Variants in ANKDD1A observed in about 807,000 individuals in gnomAD.
The protein encoded by ANKDD1A is ankyrin repeat and death domain containing 1A.
ANKDD1A carries 59 observed loss-of-function variants against 63.5 expected under a neutral mutation model. That is an observed-to-expected ratio of 0.93 (90% CI 0.75 to 1.15). ANKDD1A has a LOEUF of 1.15. ANKDD1A is among the 50% of genes most tolerant of loss of function. ANKDD1A has a pLI of 0.00. For synonymous variants in ANKDD1A, 266 were observed against 263.9 expected (o/e 1.01, Z -0.08); for missense variants, 632 against 656.4 (o/e 0.96, Z 0.41).
chr15:64,953,107 T>G (rs2085330950), intron 14 of ANKDD1A, among the ~76,000 whole-genome samples: 1 of 149,552 alleles, frequency 6.7e-6, no homozygotes, highest in African/African-American at 2.5e-5. Context: ...TTTCTTTTCT[T>G]TCTTCCGCTT....
chr15:64,952,831 TTCC>T (rs1159186782), intron 14 of ANKDD1A, among the ~76,000 whole-genome samples: 2 of 136,032 alleles, frequency 1.5e-5, no homozygotes, highest in Admixed American at 7.7e-5. Flanking sequence ...CTCCTCCTTC[TTCC>T]TTTCTTCTCC....
intron 8 of ANKDD1A, 105 bp from the exon 9 acceptor site, chr15:64,934,031 C>A: frequency 2.3e-6 from 2 of 876,284 alleles, no homozygotes; most frequent in Non-Finnish European, 3.6e-6. Flanking sequence ...ATAATACTCC[C>A]AGGGGTGTTG....
At chr15:64,937,276 T>C (rs1430392042) in intron 9 of ANKDD1A, among the ~76,000 whole-genome samples, 2 of 152,244 alleles carry the variant, frequency 1.3e-5, no homozygotes, top group African/African-American at 2.4e-5. Context: ...AGGAATTTAT[T>C]TGACAGATAT....
intron 14 of ANKDD1A, among the ~76,000 whole-genome samples, chr15:64,952,087 T>C (rs2085297137): frequency 9.4e-6 from 1 of 105,966 alleles, no homozygotes; most frequent in Non-Finnish European, 1.9e-5. Flanking sequence ...TTCCTTCTTT[T>C]CTTCCTCTTC....
chr15:64,955,881 T>C (rs954693449), intron 14 of ANKDD1A, among the ~76,000 whole-genome samples: 7 of 152,220 alleles, frequency 4.6e-5, no homozygotes, highest in Admixed American at 3.9e-4. Flanking sequence ...TCTAGGAATT[T>C]TTCCTACATA....
chr15:64,924,574 G>A (rs1025633199), intron 4 of ANKDD1A, among the ~76,000 whole-genome samples: 11 of 152,188 alleles, frequency 7.2e-5, no homozygotes, highest in African/African-American at 2.4e-4. Context: ...TTCTCCTTTC[G>A]CTGCTGTTTA....
chr15:64,912,661 C>T (rs972783836), intron 1 of ANKDD1A, among the ~76,000 whole-genome samples: 3 of 152,206 alleles, frequency 2.0e-5, no homozygotes, highest in Non-Finnish European at 4.4e-5. Flanking sequence ...AAGATTGTGT[C>T]GGTGTCTGCA....
intron 14 of ANKDD1A, among the ~76,000 whole-genome samples, chr15:64,952,528 G>A (rs796263879): frequency 1.7e-3 from 41 of 23,534 alleles, no homozygotes; most frequent in Admixed American, 3.8e-3. Flanking sequence ...TTCTTCCTTC[G>A]TCTTCTTCTC....
intron 14 of ANKDD1A, among the ~76,000 whole-genome samples, chr15:64,952,648 T>TCTCCTC (rs782289883): frequency 9.2e-5 from 13 of 141,884 alleles, no homozygotes; most frequent in Middle Eastern, 4.3e-3. Context: ...TTCTTCTCCT[T>TCTCCTC]CTCCTTCTTC....
chr15:64,951,808 CTT>C, intron 14 of ANKDD1A, among the ~76,000 whole-genome samples: 2 of 126,888 alleles, frequency 1.6e-5, no homozygotes, highest in African/African-American at 6.0e-5. Flanking sequence ...TTCCTCTTTT[CTT>C]CTTTCTTCCT....
chr15:64,939,610 G>A (rs2085164210), intron 9 of ANKDD1A, among the ~76,000 whole-genome samples: 1 of 152,036 alleles, frequency 6.6e-6, no homozygotes. Flanking sequence ...CAAGACCTTG[G>A]CTCTAAAAAA....
chr15:64,938,944 CAA>C lies in ANKDD1A; in HGVS notation c.868-3510_868-3509del, dbSNP rs34151661. Among the ~76,000 whole-genome samples the C allele has an allele frequency of 2.9e-3, 385 of 132,716 alleles. 5 individuals carry two copies. Among genetic ancestry groups the C allele is most frequent in the East Asian group, 6.2e-3 (28 of 4,542 alleles). The allele number at this position is 132,716 out of a possible 152,430, so 87.1% of individuals were successfully genotyped here. ...TGGGCAACAGAGAGAGACTCCATCT[CAA>C]AAAAAAAAAAAAGAAACTGAAGACT... is the stretch of plus-strand genomic sequence containing the variant. On this transcript the variant is annotated intron_variant, in intron 9 of 14. Coordinates refer to ENST00000319580, the MANE Select transcript of ANKDD1A (RefSeq NM_182703.6).
In ANKDD1A at chr15:64,953,853, C is replaced by CTTTT. The variant is rs2085362702; in HGVS notation, c.1484-3250_1484-3249insTTTT. 6.4e-4 allele frequency among the ~76,000 whole-genome samples: 7 copies of CTTTT among 10,878 alleles called. No homozygotes were observed. The Admixed American group carries it at 7.1e-3, about 11-fold the overall frequency. The allele number at this position is 10,878 out of a possible 152,430, so 7.1% of individuals were successfully genotyped here. The stretch of plus-strand genomic sequence containing the variant: ...CTTCTTTCCTCTTCTTTTCTTCTTT[C>CTTTT]CTCTTCTTCCTCTTTCTTCTTCATT... On this transcript the variant is annotated intron_variant, in intron 14 of 14. Coordinates refer to ENST00000319580, the MANE Select transcript of ANKDD1A (RefSeq NM_182703.6).
At chr15:64,938,338 A>C (rs752956901) in intron 9 of ANKDD1A, among the ~76,000 whole-genome samples, 25 of 152,210 alleles carry the variant, frequency 1.6e-4, no homozygotes, top group Non-Finnish European at 3.4e-4. Flanking sequence ...TACCTCAGCC[A>C]GGTGGTCAAG....
chr15:64,920,339 C>A (rs917375442), intron 3 of ANKDD1A, among the ~76,000 whole-genome samples: 3 of 152,120 alleles, frequency 2.0e-5, no homozygotes, highest in East Asian at 1.9e-4. Flanking sequence ...GAGCACCCTG[C>A]AAACAGGTGT....
chr15:64,953,282 T>G (rs2085336241), intron 14 of ANKDD1A, among the ~76,000 whole-genome samples: 1 of 150,218 alleles, frequency 6.7e-6, no homozygotes, highest in South Asian at 2.1e-4. Context: ...TCTTCTTTCC[T>G]TCTTCCTTCT....
rs1483214705 is a variant in ANKDD1A, at chr15:64,915,785, T to G, written c.35-12T>G. On this transcript the variant is annotated splice_polypyrimidine_tract_variant and intron_variant, in intron 1 of 14. Transcript: ENST00000319580. The stretch of plus-strand genomic sequence containing the variant: ...CCTCCCCCTCATCCTGCACCCCATT[T>G]TCTCCCCACAGTGCTTCCTCTGGAG... 1.9e-6 allele frequency: 3 copies of G among 1,612,986 alleles called. No individual in the cohort carries two copies. Among genetic ancestry groups the G allele is most frequent in the Non-Finnish European group, 2.5e-6 (3 of 1,179,324 alleles).
Position 64,915,894 on chromosome 15 carries a change from A to G in ANKDD1A, c.132A>G (p.Arg44=). The G allele has an allele frequency of 6.2e-7, 1 of 1,613,606 alleles. No individual in the cohort carries two copies. The highest frequency in any genetic ancestry group is 8.5e-7 in the Non-Finnish European group (1 of 1,179,742). ...LIGRRVNTRA[R]NHVGRVALHW... ...GGAGGAGGGTTAACACCAGGGCCAG[A>G]AACCACGTGCGTAATGAGCTTCTCT... The change falls in exon 2 of 15, where the codon AGA becomes AGG. Residue 44 remains arginine (R), a synonymous_variant. Transcript: ENST00000319580.
At chr15:64,929,651 A>G (rs1184810995) in intron 6 of ANKDD1A, among the ~76,000 whole-genome samples, 1 of 152,204 alleles carries the variant, frequency 6.6e-6, no homozygotes, top group Non-Finnish European at 1.5e-5. Flanking sequence ...AGTCCCAGGG[A>G]CACATGTCAA....
Sources: allele counts gnomAD v4.1 joint callset (sites outside exome capture counted in the v4.1 genomes callset), GRCh38; gene constraint gnomAD v4.1.1; transcripts MANE v1.5; gene names NCBI Gene and HGNC (gene_info 2026-07-23, HGNC 2026-07-21).